ARV1: variants seen among roughly 807,000 people sequenced by gnomAD.
ARV1 encodes protein ARV1.
ARV1 carries 26 observed loss-of-function variants against 31.1 expected under a neutral mutation model. The ratio of observed to expected loss-of-function variants is 0.84; its 90% CI spans 0.61 to 1.16. The LOEUF (loss-of-function observed/expected upper bound fraction) is 1.16. Among genes scored for constraint, ARV1 ranks in the 50% most tolerant of loss-of-function variants. The pLI is 0.00. For synonymous variants in ARV1, 117 were observed against 123.2 expected, an observed-to-expected ratio of 0.95 and a Z score of 0.34; for missense variants, 281 against 324.9, an observed-to-expected ratio of 0.86 and a Z score of 1.04.
intron 1 of ARV1, among the ~76,000 whole-genome samples, chr1:230,984,581 G>A (rs1173184439): frequency 3.3e-5 from 5 of 151,994 alleles, no homozygotes; most frequent in Admixed American, 6.6e-5. Context: ...TTAAGCCGGC[G>A]GCCAAAGAGA....
intron 1 of ARV1, among the ~76,000 whole-genome samples, chr1:230,981,328 A>G (rs574875562): frequency 6.6e-5 from 10 of 152,330 alleles, no homozygotes; most frequent in African/African-American, 2.4e-4. Flanking sequence ...TAAATGTCCA[A>G]CTACCTACTT....
intron 1 of ARV1, 147 bp downstream of exon 1, chr1:230,979,426 G>A (rs781325928): frequency 1.1e-5 from 10 of 919,736 alleles, no homozygotes; most frequent in African/African-American, 1.7e-5. Flanking sequence ...TGTACTGATA[G>A]AGAACTCAGC....
intron 3 of ARV1, among the ~76,000 whole-genome samples, chr1:230,992,430 C>T (rs1679254827): frequency 6.6e-6 from 1 of 152,194 alleles, no homozygotes; most frequent in Non-Finnish European, 1.5e-5. Context: ...ACCTCTGACA[C>T]TCCTGATCTC....
chr1:230,983,866 T>A (rs1192927844), intron 1 of ARV1, among the ~76,000 whole-genome samples: 1 of 152,180 alleles, frequency 6.6e-6, no homozygotes, highest in Non-Finnish European at 1.5e-5. Flanking sequence ...AGAGGAAGAT[T>A]TTTCTCTTTT....
rs1231004156 is a variant in ARV1, at chr1:230,990,234, TC to T, written c.420del (p.Tyr141IlefsTer9). On this transcript the variant is annotated frameshift_variant, in exon 3 of 6. Transcript: ENST00000310256. LOFTEE classifies it high-confidence loss of function. ...ATCAGATATGCTAAGGAATGGGATT[TC>T]TATAGAATGTTTGCGATTGCTGCTT... is the stretch of plus-strand genomic sequence containing the variant. ...DLIRYAKEWD[F>X]YRMFAIAALE... is the part of the protein sequence containing the mutation. 1 of 1,613,074 alleles carries T rather than the reference TC, an allele frequency of 6.2e-7. No individual in the cohort carries two copies. The highest frequency in any genetic ancestry group is 1.3e-5 in the African/African-American group (1 of 75,010).
In ARV1 at chr1:230,988,312, T is replaced by C. The variant is rs761475044; in HGVS notation, c.175-8T>C. ...TGCTTGTTCTAATATTATCTTGTAT[T>C]ATTTCAGAAATCCTGCCAGAAACCT... On this transcript the variant is annotated splice_polypyrimidine_tract_variant and splice_region_variant and intron_variant, in intron 1 of 5. Coordinates refer to ENST00000310256, the MANE Select transcript of ARV1 (RefSeq NM_022786.3). 17 of 1,583,822 alleles carry C rather than the reference T, an allele frequency of 1.1e-5. No homozygotes were observed. In the African/African-American group the frequency reaches 1.9e-4, roughly 18 times the overall value.
At chr1:230,986,574 G>A (rs1180454103) in intron 1 of ARV1, among the ~76,000 whole-genome samples, 1 of 151,242 alleles carries the variant, frequency 6.6e-6, no homozygotes, top group East Asian at 2.0e-4. Flanking sequence ...CCCACAGTGA[G>A]TGCCTGAAAC....
At chr1:230,983,304 C>T (rs540795445) in intron 1 of ARV1, among the ~76,000 whole-genome samples, 62 of 149,826 alleles carry the variant, frequency 4.1e-4, no homozygotes, top group African/African-American at 1.4e-3. Context: ...CCCAGCTACT[C>T]GGGAGGCTGA....
At chr1:230,992,793 T>G (rs1679262465) in intron 3 of ARV1, among the ~76,000 whole-genome samples, 1 of 152,220 alleles carries the variant, frequency 6.6e-6, no homozygotes, top group Admixed American at 6.5e-5. Context: ...TTAGGTACTT[T>G]AGGTACTAGA....
intron 3 of ARV1, 52 bp downstream of exon 3, chr1:230,990,315 A>C: frequency 6.3e-7 from 1 of 1,593,792 alleles, no homozygotes; most frequent in Non-Finnish European, 8.6e-7. Context: ...TACTTAACTA[A>C]TCTGGTTAAA....
chr1:230,986,531 G>A (rs1365011084), intron 1 of ARV1, among the ~76,000 whole-genome samples: 1 of 151,948 alleles, frequency 6.6e-6, no homozygotes, highest in Non-Finnish European at 1.5e-5. Context: ...CATTCCAGTA[G>A]TCCCCGTTCT....
At position 230,997,245 on chromosome 1, in the gene ARV1, T is replaced by C; in HGVS notation, c.798T>C (p.Phe266=). 2 of 1,614,068 alleles carry C rather than the reference T, an allele frequency of 1.2e-6. No individual in the cohort carries two copies. The highest frequency in any genetic ancestry group is 1.7e-6 in the Non-Finnish European group (2 of 1,179,920). ...EWDVGSDYAI[F]KSQDF ...ATGTTGGAAGTGATTATGCCATCTT[T>C]AAATCTCAGGACTTCTGAAGAGGTA... The change falls in exon 5 of 6, where the codon TTT becomes TTC. Residue 266 remains phenylalanine (F), a synonymous_variant. Transcript: ENST00000310256.
Position 230,979,185 on chromosome 1 carries a change from C to G in ARV1, c.80C>G (p.Ser27Trp), listed in dbSNP as rs767070249. 1.1e-5 allele frequency: 17 copies of G among 1,613,236 alleles called. No homozygotes were observed. In the South Asian group the frequency reaches 1.3e-4, roughly 13 times the overall value. ...DGVAATPTAASASCQYRCIEC... is the reference protein window; with the variant it reads ...DGVAATPTAAWASCQYRCIEC... ...GTGGCAGCGACTCCTACTGCTGCCT[C>G]GGCCTCCTGCCAGTACAGGTGCATC... The change falls in exon 1 of 6, where the codon TCG (serine) becomes TGG (tryptophan). Residue 27 changes from serine to tryptophan, a missense_variant. Coordinates refer to ENST00000310256, the MANE Select transcript of ARV1 (RefSeq NM_022786.3).
intron 1 of ARV1, 125 bp from the exon 2 acceptor site, chr1:230,988,195 A>G (rs1350784892): frequency 1.3e-6 from 1 of 742,350 alleles, no homozygotes; most frequent in East Asian, 2.9e-5. Context: ...GGAAGTTTAT[A>G]TAAATAATTG....
At chr1:230,979,568 A>C (rs1368326360) in intron 1 of ARV1, 1 of 377,130 alleles carries the variant, frequency 2.7e-6, no homozygotes, top group African/African-American at 2.2e-5. Flanking sequence ...TTAGGTTGAC[A>C]TTTTGGTTCA....
At chr1:230,995,513 T>G (rs1679334568) in intron 3 of ARV1, among the ~76,000 whole-genome samples, 1 of 152,000 alleles carries the variant, frequency 6.6e-6, no homozygotes, top group Admixed American at 6.5e-5. Context: ...ATGGAGTTAC[T>G]TTTTCTTCAG....
At chr1:230,980,471 G>A (rs146276525) in intron 1 of ARV1, among the ~76,000 whole-genome samples, 4,430 of 151,998 alleles carry the variant, frequency 0.029, 113 homozygotes, top group South Asian at 0.091. Flanking sequence ...CAAGTAGCTG[G>A]GATTACAGGC....
chr1:230,994,495 C>G (rs1042528538), intron 3 of ARV1, among the ~76,000 whole-genome samples: 10 of 151,588 alleles, frequency 6.6e-5, no homozygotes, highest in African/African-American at 2.4e-4. Context: ...GATAGCATGT[C>G]TCCCTTGAAG....
At chr1:230,986,666 C>CTTTTTTTTTTTTTTTTTTTTTTTTT (rs1558242688) in intron 1 of ARV1, among the ~76,000 whole-genome samples, 2 of 79,690 alleles carry the variant, frequency 2.5e-5, no homozygotes, top group Non-Finnish European at 5.0e-5. Flanking sequence ...AATACTTTTC[C>CTTTTTTTTTTTTTTTTTTTTTTTTT]TATTTTTTTT....
Sources: allele counts gnomAD v4.1 joint callset (sites outside exome capture counted in the v4.1 genomes callset), GRCh38; gene constraint gnomAD v4.1.1; transcripts MANE v1.5; gene names NCBI Gene and HGNC (gene_info 2026-07-23, HGNC 2026-07-21).